The following MAML2 variants were observed in gnomAD, a reference collection of about 807,000 sequenced individuals.
MAML2 encodes the protein mastermind like transcriptional coactivator 2.
A neutral mutation model predicts 96.1 loss-of-function variants in MAML2; 22 were observed. That is an observed-to-expected ratio of 0.23 (90% CI 0.16 to 0.33). The LOEUF is 0.33. MAML2 is among the 10% of genes least tolerant of loss of function. The pLI is 1.00. For synonymous variants in MAML2, 561 were observed against 521.3 expected, an observed-to-expected ratio of 1.08 and a Z score of -1.04; for missense variants, 1,367 against 1,392.4, an observed-to-expected ratio of 0.98 and a Z score of 0.29.
chr11:96,029,195 A>T (rs1361577191), intron 2 of MAML2, among the ~76,000 whole-genome samples: 1 of 150,010 alleles, frequency 6.7e-6, no homozygotes. Context: ...TCAAATAATA[A>T]TAAAAAAAAA....
chr11:96,342,178 G>A lies in MAML2; in HGVS notation c.-283C>T, dbSNP rs186813992. On this transcript the variant is annotated 5_prime_UTR_variant, in exon 1 of 5. Coordinates refer to ENST00000524717, the MANE Select transcript of MAML2 (RefSeq NM_032427.4). ...TGCATTTGACAGCTCTGGAGAAGTT[G>A]GACAGAGTTGGTGGATTTTTTTTCC... 6.3e-6 allele frequency: 3 copies of A among 474,858 alleles called. No homozygotes were observed. Among genetic ancestry groups the A allele is most frequent in the African/African-American group, 5.9e-5 (3 of 51,120 alleles). The allele number at this position is 474,858 out of a possible 1,614,324, so 29.4% of individuals were successfully genotyped here. A position where few individuals can be genotyped will look rare whatever the true frequency, so the allele number is the denominator to read the frequency against.
intron 2 of MAML2, among the ~76,000 whole-genome samples, chr11:95,999,135 A>G (rs1265103042): frequency 6.6e-6 from 1 of 152,192 alleles, no homozygotes; most frequent in African/African-American, 2.4e-5. Flanking sequence ...TGTATTCACC[A>G]CTAACCTTTT....
At chr11:96,329,432 G>T (rs1246218359) in intron 1 of MAML2, among the ~76,000 whole-genome samples, 1 of 152,118 alleles carries the variant, frequency 6.6e-6, no homozygotes, top group Non-Finnish European at 1.5e-5. Context: ...TGCCAATTTT[G>T]TCACTGCTCC....
chr11:96,304,857 C>A lies in MAML2; in HGVS notation c.513+36526G>T, dbSNP rs375223876. Among the ~76,000 whole-genome samples the A allele has an allele frequency of 3.9e-5, 6 of 152,184 alleles. No individual in the cohort carries two copies. In the East Asian group the frequency reaches 7.7e-4, roughly 20 times the overall value. ...ATAAAAACAACTAAATGTGTTTATGCTATGTTATGCTGTTTATGTTTCTTC... is the reference window on the plus strand; with the variant it reads ...ATAAAAACAACTAAATGTGTTTATGATATGTTATGCTGTTTATGTTTCTTC... On this transcript the variant is annotated intron_variant, in intron 1 of 4. Coordinates refer to ENST00000524717, the MANE Select transcript of MAML2 (RefSeq NM_032427.4).
intron 1 of MAML2, among the ~76,000 whole-genome samples, chr11:96,157,961 G>T (rs540948488): frequency 8.1e-4 from 123 of 152,130 alleles, no homozygotes; most frequent in Non-Finnish European, 1.4e-3. Context: ...TCAAGGGGTG[G>T]TCTCTAATTC....
intron 2 of MAML2, among the ~76,000 whole-genome samples, chr11:96,036,910 C>A (rs1858722395): frequency 1.3e-5 from 2 of 152,168 alleles, no homozygotes; most frequent in South Asian, 4.1e-4. Flanking sequence ...GTCTCCACTC[C>A]CAGCTCAGAG....
At chr11:96,288,237 C>A (rs942225347) in intron 1 of MAML2, among the ~76,000 whole-genome samples, 1 of 152,150 alleles carries the variant, frequency 6.6e-6, no homozygotes, top group East Asian at 1.9e-4. Context: ...AGCTGGATAT[C>A]TGCTGATTTT....
chr11:96,040,018 G>A (rs529894441), intron 2 of MAML2, among the ~76,000 whole-genome samples: 19 of 151,160 alleles, frequency 1.3e-4, no homozygotes, highest in African/African-American at 4.4e-4. Context: ...CCTATTCGCT[G>A]CACTCAGGAA....
intron 1 of MAML2, among the ~76,000 whole-genome samples, chr11:96,255,274 C>T (rs504909): frequency 0.094 from 14,321 of 152,270 alleles, 937 homozygotes; most frequent in East Asian, 0.2. Context: ...GCATAACTGT[C>T]AAGCATCATG....
chr11:96,138,423 G>A (rs1247356471), intron 1 of MAML2, among the ~76,000 whole-genome samples: 2 of 152,170 alleles, frequency 1.3e-5, no homozygotes. Flanking sequence ...TATGCCATCT[G>A]TAAAAGAGGG....
chr11:96,076,392 C>T (rs1859435515), intron 2 of MAML2, among the ~76,000 whole-genome samples: 2 of 151,512 alleles, frequency 1.3e-5, no homozygotes, highest in South Asian at 4.2e-4. Flanking sequence ...ATAATGCAAG[C>T]AATGGGGCAA....
intron 1 of MAML2, among the ~76,000 whole-genome samples, chr11:96,163,876 T>G (rs1861151824): frequency 6.6e-6 from 1 of 151,552 alleles, no homozygotes; most frequent in Non-Finnish European, 1.5e-5. Context: ...TTTTTTTTTT[T>G]TTTGAGATGG....
intron 1 of MAML2, among the ~76,000 whole-genome samples, chr11:96,274,291 C>T (rs1195319693): frequency 6.6e-6 from 1 of 152,000 alleles, no homozygotes; most frequent in Admixed American, 6.5e-5. Context: ...CACGTGTTAG[C>T]CAGGATGGTC....
At chr11:96,015,569 CAA>C (rs745984911) in intron 2 of MAML2, among the ~76,000 whole-genome samples, 2,802 of 49,138 alleles carry the variant, frequency 0.057, 55 homozygotes, top group Middle Eastern at 0.14. Flanking sequence ...GCTAAGAAGG[CAA>C]AAAAAAAAAA....
chr11:96,178,922 C>G (rs1337815206), intron 1 of MAML2, among the ~76,000 whole-genome samples: 1 of 151,970 alleles, frequency 6.6e-6, no homozygotes, highest in Admixed American at 6.6e-5. Context: ...TAATTTTGAC[C>G]CTCTTCTGAA....
At chr11:96,159,377 G>A (rs1861063882) in intron 1 of MAML2, among the ~76,000 whole-genome samples, 1 of 134,478 alleles carries the variant, frequency 7.4e-6, no homozygotes, top group Non-Finnish European at 1.6e-5. Flanking sequence ...AGCCAATTCA[G>A]TTACTAACCG....
intron 1 of MAML2, among the ~76,000 whole-genome samples, chr11:96,333,872 T>C (rs1863883839): frequency 6.6e-6 from 1 of 152,252 alleles, no homozygotes; most frequent in South Asian, 2.1e-4. Context: ...TTGGTTCCAA[T>C]GATTCAAAAC....
intron 1 of MAML2, among the ~76,000 whole-genome samples, chr11:96,223,905 C>A (rs1190734650): frequency 6.6e-6 from 1 of 152,182 alleles, no homozygotes; most frequent in African/African-American, 2.4e-5. Flanking sequence ...GAGACAGCAG[C>A]ACTGAATTAT....
At chr11:96,155,871 C>T (rs1861004145) in intron 1 of MAML2, among the ~76,000 whole-genome samples, 1 of 152,058 alleles carries the variant, frequency 6.6e-6, no homozygotes, top group South Asian at 2.1e-4. Flanking sequence ...GACGTAACTG[C>T]AATGTGGCCT....
Sources: allele counts gnomAD v4.1 joint callset (sites outside exome capture counted in the v4.1 genomes callset), GRCh38; gene constraint gnomAD v4.1.1; transcripts MANE v1.5; gene names NCBI Gene and HGNC (gene_info 2026-07-23, HGNC 2026-07-21).